The following MACROD2 variants were observed in gnomAD, a reference collection of about 807,000 sequenced individuals.
MACROD2 encodes ADP-ribose glycohydrolase MACROD2.
In MACROD2, 36 loss-of-function variants were observed where a neutral mutation model predicts 70.4. The ratio of observed to expected loss-of-function variants is 0.51; its 90% CI spans 0.39 to 0.68. The LOEUF (loss-of-function observed/expected upper bound fraction) is 0.68. MACROD2 is among the 30% of genes least tolerant of loss of function. The pLI, the probability that MACROD2 is intolerant of heterozygous loss-of-function variation, is 0.00. For missense variants in MACROD2, 496 were observed against 538.4 expected (o/e 0.92, Z 0.78); for synonymous variants, 172 against 178.8 (o/e 0.96, Z 0.30).
chr20:14,559,330 C>A lies in MACROD2; in HGVS notation c.301+65822C>A, dbSNP rs558254757. On this transcript the variant is annotated intron_variant, in intron 4 of 17. Transcript: ENST00000684519. ...TTAAAATATATGAATTTAATTTACA[C>A]AAATAATTTATTTTACATAAAAACA... is the stretch of plus-strand genomic sequence containing the variant. Among the ~76,000 whole-genome samples the A allele has an allele frequency of 2.6e-5, 4 of 151,696 alleles. 1 individual carries two copies. In the Middle Eastern group the frequency reaches 0.014, roughly 520 times the overall value.
chr20:15,586,061 A>G (rs993419575), intron 8 of MACROD2, among the ~76,000 whole-genome samples: 1 of 152,174 alleles, frequency 6.6e-6, no homozygotes, highest in African/African-American at 2.4e-5. Context: ...GCTGTGCCCC[A>G]TATGGTTGTT....
intron 3 of MACROD2, among the ~76,000 whole-genome samples, chr20:14,108,520 A>T (rs1471331620): frequency 6.6e-6 from 1 of 151,940 alleles, no homozygotes; most frequent in African/African-American, 2.4e-5. Flanking sequence ...GCCTACAAGA[A>T]GCACATTTCA....
intron 3 of MACROD2, among the ~76,000 whole-genome samples, chr20:14,112,368 T>A (rs1458776810): frequency 6.6e-6 from 1 of 152,018 alleles, no homozygotes; most frequent in Non-Finnish European, 1.5e-5. Flanking sequence ...AGAGTATAAT[T>A]TGATTTTTTG....
At chr20:14,541,643 A>C (rs985548837) in intron 4 of MACROD2, among the ~76,000 whole-genome samples, 1 of 151,896 alleles carries the variant, frequency 6.6e-6, no homozygotes, top group African/African-American at 2.4e-5. Context: ...TGGATATGTG[A>C]ACAAAATGAT....
At chr20:15,562,835 G>A (rs1248725365) in intron 8 of MACROD2, among the ~76,000 whole-genome samples, 1 of 152,148 alleles carries the variant, frequency 6.6e-6, no homozygotes. Context: ...TGGGTCAGAT[G>A]GATTTGGGCA....
At chr20:14,550,122 C>A (rs1234028726) in intron 4 of MACROD2, among the ~76,000 whole-genome samples, 1 of 151,968 alleles carries the variant, frequency 6.6e-6, no homozygotes, top group Non-Finnish European at 1.5e-5. Flanking sequence ...GGGGTTTCAC[C>A]ATGTTGGCCA....
intron 8 of MACROD2, among the ~76,000 whole-genome samples, chr20:15,601,889 G>T (rs751297752): frequency 1.1e-4 from 17 of 152,194 alleles, no homozygotes; most frequent in Middle Eastern, 6.8e-3. Flanking sequence ...CTAGCCGGGT[G>T]TGTTGGCATG....
intron 3 of MACROD2, among the ~76,000 whole-genome samples, chr20:14,288,128 A>G (rs1456639224): frequency 2.0e-5 from 3 of 151,790 alleles, no homozygotes; most frequent in Non-Finnish European, 4.4e-5. Context: ...CCTACAAGGT[A>G]GGGTGTACCT....
intron 4 of MACROD2, among the ~76,000 whole-genome samples, chr20:14,526,933 G>T (rs2085240707): frequency 6.6e-6 from 1 of 152,232 alleles, no homozygotes; most frequent in African/African-American, 2.4e-5. Context: ...CAGAGACAAA[G>T]GGCTTTCTGT....
At chr20:15,133,837 A>G (rs933420154) in intron 5 of MACROD2, among the ~76,000 whole-genome samples, 1 of 151,978 alleles carries the variant, frequency 6.6e-6, no homozygotes, top group Non-Finnish European at 1.5e-5. Flanking sequence ...AATCTTTTAA[A>G]ATTAACTGTT....
Position 15,496,085 on chromosome 20 carries a change from G to T in MACROD2, c.572-3689G>T, listed in dbSNP as rs193001655. Among the ~76,000 whole-genome samples, 9 of 152,300 alleles carry T rather than the reference G, an allele frequency of 5.9e-5. No individual in the cohort carries two copies. The East Asian group carries it at 9.7e-4, about 16-fold the overall frequency. ...GATGAGACTAGAGAGACAAGAAAGG[G>T]CCAGCTTATTCAGGGGAGAAATGTT... On this transcript the variant is annotated intron_variant, in intron 7 of 17. Coordinates refer to ENST00000684519, the MANE Select transcript of MACROD2 (RefSeq NM_001351661.2).
chr20:15,502,727 G>A (rs888025678), intron 8 of MACROD2, among the ~76,000 whole-genome samples: 1 of 152,136 alleles, frequency 6.6e-6, no homozygotes, highest in South Asian at 2.1e-4. Context: ...GCAGCCAATA[G>A]GACTAGAGGA....
intron 5 of MACROD2, among the ~76,000 whole-genome samples, chr20:14,746,688 G>T (rs760770824): frequency 6.6e-6 from 1 of 152,052 alleles, no homozygotes; most frequent in Non-Finnish European, 1.5e-5. Flanking sequence ...AACTAGTCGA[G>T]GCCTTTTGGG....
At chr20:15,981,359 C>G (rs1482913534) in intron 13 of MACROD2, among the ~76,000 whole-genome samples, 1 of 152,154 alleles carries the variant, frequency 6.6e-6, no homozygotes, top group East Asian at 1.9e-4. Flanking sequence ...ACTAAGTCAT[C>G]TTACAGAATG....
At chr20:14,261,278 G>T (rs2082099093) in intron 3 of MACROD2, among the ~76,000 whole-genome samples, 1 of 152,090 alleles carries the variant, frequency 6.6e-6, no homozygotes, top group Non-Finnish European at 1.5e-5. Flanking sequence ...TTATTTCATT[G>T]TAGAAATGAG....
At chr20:15,261,501 G>A (rs1275431709) in intron 6 of MACROD2, among the ~76,000 whole-genome samples, 2 of 151,768 alleles carry the variant, frequency 1.3e-5, no homozygotes, top group African/African-American at 4.8e-5. Flanking sequence ...ATAGAAACCT[G>A]TACTTTTTAT....
At chr20:15,792,321 A>G (rs2063631608) in intron 8 of MACROD2, among the ~76,000 whole-genome samples, 1 of 152,170 alleles carries the variant, frequency 6.6e-6, no homozygotes, top group Non-Finnish European at 1.5e-5. Context: ...AAGTCTTTCC[A>G]TGAAGGACAC....
rs1206874033 is a variant in MACROD2 at position 15,595,665 on chromosome 20, A to T, written c.645+95818A>T. Among the ~76,000 whole-genome samples the T allele has an allele frequency of 2.0e-5, 3 of 152,334 alleles. No individual in the cohort carries two copies. The East Asian group carries it at 5.8e-4, about 29-fold the overall frequency. On this transcript the variant is annotated intron_variant, in intron 8 of 17. Transcript: ENST00000684519. Reference sequence around the variant, plus strand: ...ACATTATTTTAAAAATAAGAGGCATAACTGTGACTTTAGTATGAATCTAAT... The same window carrying T: ...ACATTATTTTAAAAATAAGAGGCATTACTGTGACTTTAGTATGAATCTAAT...
intron 5 of MACROD2, among the ~76,000 whole-genome samples, chr20:14,829,879 G>A (rs1200889855): frequency 3.3e-5 from 5 of 151,940 alleles, no homozygotes; most frequent in Non-Finnish European, 7.4e-5. Context: ...GCTTTTTATT[G>A]TATAAAACTC....
Sources: gnomAD v4.1 joint callset for allele counts (sites outside exome capture counted in the v4.1 genomes callset) on GRCh38, gnomAD v4.1.1 for gene constraint, MANE v1.5 for transcripts, NCBI Gene and HGNC (gene_info 2026-07-23, HGNC 2026-07-21) for gene names.